RAB3GAP2: variants seen among roughly 807,000 people sequenced by gnomAD.
RAB3GAP2 encodes the protein RAB3 GTPase activating non-catalytic protein subunit 2, also known as rab3 GTPase-activating protein non-catalytic subunit.
Under a neutral mutation model 185.3 loss-of-function variants are expected in RAB3GAP2, and 87 were observed. The ratio of observed to expected loss-of-function variants is 0.47; its 90% CI spans 0.39 to 0.56. The LOEUF is 0.56. Ranked by LOEUF, RAB3GAP2 falls within the 20% of genes least tolerant of loss-of-function variation. RAB3GAP2 has a pLI of 0.00. For synonymous variants in RAB3GAP2, 554 were observed against 576.1 expected, an observed-to-expected ratio of 0.96 and a Z score of 0.55; for missense variants, 1,492 against 1,638.2, an observed-to-expected ratio of 0.91 and a Z score of 1.54.
intron 1 of RAB3GAP2, among the ~76,000 whole-genome samples, chr1:220,239,583 C>T (rs1659654361): frequency 6.6e-6 from 1 of 152,014 alleles, no homozygotes; most frequent in Admixed American, 6.6e-5. Context: ...TTTTCTATTC[C>T]ATCCCATTTT....
At chr1:220,254,886 T>TG (rs1157213449) in intron 1 of RAB3GAP2, among the ~76,000 whole-genome samples, 1 of 151,752 alleles carries the variant, frequency 6.6e-6, no homozygotes, top group Non-Finnish European at 1.5e-5. Flanking sequence ...TATGACAAAA[T>TG]GCTCTGATTC....
At position 220,250,252 on chromosome 1, in the gene RAB3GAP2, G is replaced by A. The variant is rs11799683; in HGVS notation, c.116-17389C>T. Reference sequence around the variant, plus strand: ...CCTCTTGCATGAGTGTGACATGGACGTGAGACATGGAGTCAAAAGAGATCA... The same window carrying A: ...CCTCTTGCATGAGTGTGACATGGACATGAGACATGGAGTCAAAAGAGATCA... On this transcript the variant is annotated intron_variant, in intron 1 of 34. Transcript: ENST00000358951. Among the ~76,000 whole-genome samples, 1,305 of 152,312 alleles carry A rather than the reference G, an allele frequency of 8.6e-3. 17 individuals carry two copies. Among genetic ancestry groups the A allele is most frequent in the African/African-American group, 0.03 (1,253 of 41,558 alleles).
rs2102846812 is a variant in RAB3GAP2, at chr1:220,148,862, GATT to G, written c.*2386_*2388del. ...ACAGAACCTGTAATGTAGAAGTTAT[GATT>G]ATTTGAACACTTTTTGTTTTCCTTC... is the stretch of plus-strand genomic sequence containing the variant. On this transcript the variant is annotated 3_prime_UTR_variant, in exon 35 of 35. Coordinates refer to ENST00000358951, the MANE Select transcript of RAB3GAP2 (RefSeq NM_012414.4). 1 of 152,074 alleles carries G rather than the reference GATT, an allele frequency of 6.6e-6. No homozygotes were observed. Among genetic ancestry groups the G allele is most frequent in the South Asian group, 2.1e-4 (1 of 4,824 alleles). 9.4% of individuals were successfully genotyped at this position (152,074 alleles called of 1,614,324 possible). A position where few individuals can be genotyped will look rare whatever the true frequency, so the allele number is the denominator to read the frequency against.
At chr1:220,261,749 AAT>A (rs1195841874) in intron 1 of RAB3GAP2, among the ~76,000 whole-genome samples, 1 of 152,068 alleles carries the variant, frequency 6.6e-6, no homozygotes, top group African/African-American at 2.4e-5. Context: ...CAAATCTTAA[AAT>A]ATTTTTGCTA....
rs995361451 is a variant in RAB3GAP2 at position 220,150,302 on chromosome 1, C to G, written c.*949G>C. On this transcript the variant is annotated 3_prime_UTR_variant, in exon 35 of 35. Coordinates refer to ENST00000358951, the MANE Select transcript of RAB3GAP2 (RefSeq NM_012414.4). ...GTTGTATTTTATCCTCTCATCCCAG[C>G]TGTGAGGTAGGTTTGCTAAAGCTGT... The G allele has an allele frequency of 1.5e-4, 23 of 152,318 alleles. No homozygotes were observed. The highest frequency in any genetic ancestry group is 5.6e-4 in the African/African-American group (23 of 41,384). 9.4% of individuals were successfully genotyped at this position (152,318 alleles called of 1,614,324 possible).
intron 7 of RAB3GAP2, among the ~76,000 whole-genome samples, chr1:220,207,337 T>C (rs1257291718): frequency 6.6e-6 from 1 of 152,204 alleles, no homozygotes; most frequent in Non-Finnish European, 1.5e-5. Context: ...TTCTCTATAT[T>C]GTCATCAAAA....
At chr1:220,173,541 A>G (rs1658218275) in intron 21 of RAB3GAP2, among the ~76,000 whole-genome samples, 1 of 152,230 alleles carries the variant, frequency 6.6e-6, no homozygotes, top group African/African-American at 2.4e-5. Flanking sequence ...GAGGGTAAAG[A>G]GTTGAAGGAG....
chr1:220,190,041 T>C (rs1467686190), intron 16 of RAB3GAP2, 23 bp downstream of exon 16: 1 of 1,533,198 alleles, frequency 6.5e-7, no homozygotes, highest in East Asian at 2.3e-5. Flanking sequence ...TATGCTTTAT[T>C]ATTTGTATGA....
rs958720050 is a variant in RAB3GAP2, at chr1:220,150,434, A to T, written c.*817T>A. The T allele has an allele frequency of 4.0e-5, 6 of 148,674 alleles. No homozygotes were observed. The East Asian group carries it at 1.2e-3, about 29-fold the overall frequency. 9.2% of individuals were successfully genotyped at this position (148,674 alleles called of 1,614,324 possible). A position where few individuals can be genotyped will look rare whatever the true frequency, so the allele number is the denominator to read the frequency against. ...TAGGAAAAATAAAGTCGGACTTAAAATTTTTAGTATCTTTGCCTTTTTTTT... is the reference window on the plus strand; with the variant it reads ...TAGGAAAAATAAAGTCGGACTTAAATTTTTTAGTATCTTTGCCTTTTTTTT... On this transcript the variant is annotated 3_prime_UTR_variant, in exon 35 of 35. Coordinates refer to ENST00000358951, the MANE Select transcript of RAB3GAP2 (RefSeq NM_012414.4).
intron 8 of RAB3GAP2, among the ~76,000 whole-genome samples, chr1:220,205,106 G>A (rs1026741368): frequency 2.6e-5 from 4 of 152,054 alleles, no homozygotes; most frequent in African/African-American, 9.7e-5. Flanking sequence ...TTGATGGTGT[G>A]TCTTTCACTG....
At position 220,150,250 on chromosome 1, in the gene RAB3GAP2, C is replaced by T. The variant is rs550055167; in HGVS notation, c.*1001G>A. 6.6e-6 allele frequency: 1 copy of T among 152,268 alleles called. No homozygotes were observed. Among genetic ancestry groups the T allele is most frequent in the South Asian group, 2.1e-4 (1 of 4,806 alleles). The allele number at this position is 152,268 out of a possible 1,614,324, so 9.4% of individuals were successfully genotyped here. A position where few individuals can be genotyped will look rare whatever the true frequency, so the allele number is the denominator to read the frequency against. ...AAATATTTATTTAGCACTTGGACTGCTCTAGGCACTATAGGGTACAAAATT... is the reference window on the plus strand; with the variant it reads ...AAATATTTATTTAGCACTTGGACTGTTCTAGGCACTATAGGGTACAAAATT... On this transcript the variant is annotated 3_prime_UTR_variant, in exon 35 of 35. Coordinates refer to ENST00000358951, the MANE Select transcript of RAB3GAP2 (RefSeq NM_012414.4).
chr1:220,155,595 C>A (rs1005830378), intron 31 of RAB3GAP2, among the ~76,000 whole-genome samples: 5 of 152,158 alleles, frequency 3.3e-5, no homozygotes, highest in African/African-American at 1.2e-4. Context: ...GGAACCCTTA[C>A]AACAACCATG....
intron 4 of RAB3GAP2, among the ~76,000 whole-genome samples, chr1:220,211,537 G>GCTCT (rs1659085134): frequency 6.6e-6 from 1 of 152,132 alleles, no homozygotes; most frequent in African/African-American, 2.4e-5. Context: ...TGCAGAAACT[G>GCTCT]CTCTGATCAT....
At chr1:220,156,099 C>CA (rs1657851636) in intron 31 of RAB3GAP2, among the ~76,000 whole-genome samples, 1 of 151,988 alleles carries the variant, frequency 6.6e-6, no homozygotes, top group Non-Finnish European at 1.5e-5. Flanking sequence ...TACAGGCACA[C>CA]ACCACCATGC....
chr1:220,225,146 T>C (rs1187470123), intron 2 of RAB3GAP2, among the ~76,000 whole-genome samples: 1 of 152,196 alleles, frequency 6.6e-6, no homozygotes, highest in Non-Finnish European at 1.5e-5. Context: ...AGCTTAAGCA[T>C]TTAGGCATAA....
intron 7 of RAB3GAP2, among the ~76,000 whole-genome samples, chr1:220,210,144 C>T (rs1450666474): frequency 2.0e-5 from 3 of 152,006 alleles, no homozygotes; most frequent in Non-Finnish European, 2.9e-5. Context: ...ATTTTCTTGG[C>T]TTCTAACTAA....
rs1368230173 is a variant in RAB3GAP2, at chr1:220,158,206, T to G, written c.3262-330A>C. ...CTGTTCAGCTTGCTAAGGCATCTGG[T>G]AGCCAAATAATCGTGGTAGATGGAA... is the stretch of plus-strand genomic sequence containing the variant. On this transcript the variant is annotated intron_variant, in intron 29 of 34. Coordinates refer to ENST00000358951, the MANE Select transcript of RAB3GAP2 (RefSeq NM_012414.4). The surrounding 1 kb of genome is among the most constrained non-coding windows in gnomAD (Gnocchi z 4.3). Among the ~76,000 whole-genome samples the G allele has an allele frequency of 6.6e-6, 1 of 152,210 alleles. No individual in the cohort carries two copies. The highest frequency in any genetic ancestry group is 1.5e-5 in the Non-Finnish European group (1 of 68,040).
At chr1:220,217,152 G>A (rs1009258452) in intron 2 of RAB3GAP2, among the ~76,000 whole-genome samples, 2 of 151,948 alleles carry the variant, frequency 1.3e-5, no homozygotes, top group Non-Finnish European at 2.9e-5. Flanking sequence ...CCTAATTCAG[G>A]TGGTCTTTCC....
rs1660008421 is a variant in RAB3GAP2, at chr1:220,254,976, T to C, written c.115+17247A>G. Among the ~76,000 whole-genome samples the C allele has an allele frequency of 4.0e-5, 6 of 151,388 alleles. No homozygotes were observed. In the South Asian group the frequency reaches 1.3e-3, roughly 32 times the overall value. ...GCTTTTTTTTTTTTTTTTATGGTGC[T>C]TAAAGTAAAGAGCCCATCCTTTGCA... On this transcript the variant is annotated intron_variant, in intron 1 of 34. Coordinates refer to ENST00000358951, the MANE Select transcript of RAB3GAP2 (RefSeq NM_012414.4).
Sources: gnomAD v4.1 joint callset for allele counts (sites outside exome capture counted in the v4.1 genomes callset) on GRCh38, gnomAD v4.1.1 for gene constraint, Gnocchi (gnomAD v3.1) non-coding constraint, MANE v1.5 for transcripts, NCBI Gene and HGNC (gene_info 2026-07-23, HGNC 2026-07-21) for gene names.